Variants in C10orf90 observed in about 807,000 individuals in gnomAD.
The protein encoded by C10orf90 is chromosome 10 open reading frame 90.
A neutral mutation model predicts 62.5 loss-of-function variants in C10orf90; 56 were observed. The ratio of observed to expected loss-of-function variants is 0.90; its 90% CI spans 0.72 to 1.12. The LOEUF (loss-of-function observed/expected upper bound fraction) is 1.12, where lower values mean the gene tolerates loss of function less well. Among genes scored for constraint, C10orf90 ranks in the 50% most tolerant of loss-of-function variants. The probability of loss-of-function intolerance (pLI) is 0.00; values close to 1 mark genes in which losing one functional copy is unlikely to be tolerated. For synonymous variants in C10orf90, 386 were observed against 340.4 expected, an observed-to-expected ratio of 1.13 and a Z score of -1.47; for missense variants, 970 against 880.4, an observed-to-expected ratio of 1.10 and a Z score of -1.29.
chr10:126,504,339 T>A lies in C10orf90; in HGVS notation c.1152A>T (p.Arg384Ser). The A allele has an allele frequency of 6.2e-7, 1 of 1,614,156 alleles. No homozygotes were observed. The highest frequency in any genetic ancestry group is 2.2e-5 in the East Asian group (1 of 44,862). ...AATTGAGGTTGAGCGACAGGACGGA[T>A]CTGTGCATTTTGGGGCTGGCAATTT... Reference protein sequence around the residue: ...PPQIASPKMHRSVLSLNLNCS... With the variant: ...PPQIASPKMHSSVLSLNLNCS... Residue 384 changes from arginine to serine, a missense_variant, in exon 4 of 10, where the codon AGA becomes AGT. By Grantham distance (110) the Arg-to-Ser change is moderately radical (BLOSUM62 -1). Coordinates refer to ENST00000488181, the MANE Select transcript of C10orf90 (RefSeq NM_001350921.2). This position sits in a 1 kb window ranked among gnomAD's most constrained non-coding sequence, Gnocchi z 4.1.
intron 2 of C10orf90, among the ~76,000 whole-genome samples, chr10:126,630,146 G>T (rs550776628): frequency 1.3e-5 from 2 of 152,286 alleles, no homozygotes; most frequent in African/African-American, 4.8e-5. Context: ...GTGATGCAGG[G>T]ACTATAACTG....
chr10:126,521,608 CT>C, intron 2 of C10orf90: 1 of 519,638 alleles, frequency 1.9e-6, no homozygotes, highest in Non-Finnish European at 3.0e-6. Context: ...TTTGAGGCTT[CT>C]TTGATGAGTA....
chr10:126,644,016 C>A (rs908780418), intron 2 of C10orf90, among the ~76,000 whole-genome samples: 2 of 152,184 alleles, frequency 1.3e-5, no homozygotes, highest in Non-Finnish European at 2.9e-5. Flanking sequence ...TCTGGGCCCT[C>A]TTCTTGACTA....
At chr10:126,624,955 G>T (rs1468247436) in intron 2 of C10orf90, among the ~76,000 whole-genome samples, 1 of 152,224 alleles carries the variant, frequency 6.6e-6, no homozygotes, top group African/African-American at 2.4e-5. Flanking sequence ...TGCCCTCAGA[G>T]AGCGGGCAGT....
intron 1 of C10orf90, among the ~76,000 whole-genome samples, chr10:126,651,337 A>G (rs12257081): frequency 0.041 from 6,246 of 152,252 alleles, 421 homozygotes; most frequent in African/African-American, 0.14. Flanking sequence ...ACCTTACCTG[A>G]ACTAACCTAA....
intron 2 of C10orf90, among the ~76,000 whole-genome samples, chr10:126,603,148 G>C (rs950063154): frequency 4.6e-5 from 7 of 151,508 alleles, no homozygotes; most frequent in African/African-American, 1.7e-4. Flanking sequence ...GTATTAGTCC[G>C]TTCTCACGCT....
intron 3 of C10orf90, among the ~76,000 whole-genome samples, chr10:126,507,586 C>T (rs986150817): frequency 3.3e-5 from 5 of 151,830 alleles, no homozygotes; most frequent in African/African-American, 1.2e-4. Context: ...GGCTACCTCA[C>T]ACTTCCCAAT....
intron 2 of C10orf90, among the ~76,000 whole-genome samples, chr10:126,627,000 C>CTTTTTTTTTTT (rs61226052): frequency 7.5e-5 from 9 of 119,496 alleles, no homozygotes; most frequent in East Asian, 2.3e-4. Flanking sequence ...TTTTTCTTTT[C>CTTTTTTTTTTT]TTTTTTTTTT....
At chr10:126,576,623 T>C (rs1406692394) in intron 2 of C10orf90, among the ~76,000 whole-genome samples, 1 of 147,930 alleles carries the variant, frequency 6.8e-6, no homozygotes, top group East Asian at 2.0e-4. Context: ...TGCACCCGCA[T>C]GTTTGCTGCA....
chr10:126,491,021 G>A lies in C10orf90; in HGVS notation c.1534+12936C>T, dbSNP rs74853173. Reference sequence around the variant, plus strand: ...AGAAATGATATATCTCCGTAAGTAAGCAGAAAAGCTGGAAAGGAAATTTTT... The same window carrying A: ...AGAAATGATATATCTCCGTAAGTAAACAGAAAAGCTGGAAAGGAAATTTTT... On this transcript the variant is annotated intron_variant, in intron 4 of 9. Coordinates refer to ENST00000488181, the MANE Select transcript of C10orf90 (RefSeq NM_001350921.2). Among the ~76,000 whole-genome samples the A allele has an allele frequency of 1.5e-4, 23 of 152,262 alleles. No homozygotes were observed. In the East Asian group the frequency reaches 4.4e-3, roughly 29 times the overall value.
chr10:126,645,375 C>A (rs547164432), intron 2 of C10orf90, among the ~76,000 whole-genome samples: 2 of 150,086 alleles, frequency 1.3e-5, no homozygotes, highest in African/African-American at 2.5e-5. Context: ...TGAGACCAGG[C>A]GAGGCAACAT....
At chr10:126,661,979 T>C (rs1054403691) in intron 1 of C10orf90, among the ~76,000 whole-genome samples, 2 of 152,148 alleles carry the variant, frequency 1.3e-5, no homozygotes, top group Non-Finnish European at 2.9e-5. Context: ...TAACCAGTAT[T>C]ATCTTGGTTA....
chr10:126,621,966 C>T (rs566515643), intron 2 of C10orf90, among the ~76,000 whole-genome samples: 1 of 152,276 alleles, frequency 6.6e-6, no homozygotes, highest in East Asian at 1.9e-4. Flanking sequence ...ACACCACCCC[C>T]TAACTGGCTT....
chr10:126,638,308 T>C (rs1845993877), intron 2 of C10orf90, among the ~76,000 whole-genome samples: 1 of 152,010 alleles, frequency 6.6e-6, no homozygotes, highest in Non-Finnish European at 1.5e-5. Flanking sequence ...CTGGGCACCA[T>C]CTCTTTCCAC....
chr10:126,534,002 C>T (rs1003211062), intron 2 of C10orf90, among the ~76,000 whole-genome samples: 1 of 152,148 alleles, frequency 6.6e-6, no homozygotes. Context: ...AGACCAAAGC[C>T]TCCAAAATTG....
At chr10:126,572,393 T>G (rs536320072) in intron 2 of C10orf90, among the ~76,000 whole-genome samples, 7 of 152,100 alleles carry the variant, frequency 4.6e-5, no homozygotes, top group Non-Finnish European at 1.0e-4. Context: ...AGTAAAGGAA[T>G]AAAAGAATGG....
At chr10:126,537,518 C>T (rs948247113) in intron 2 of C10orf90, among the ~76,000 whole-genome samples, 10 of 152,184 alleles carry the variant, frequency 6.6e-5, no homozygotes, top group East Asian at 1.9e-4. Flanking sequence ...CTCTCTTTCC[C>T]GCTTGGGCCT....
chr10:126,506,112 C>T (rs544779166), intron 3 of C10orf90, among the ~76,000 whole-genome samples: 53 of 152,340 alleles, frequency 3.5e-4, no homozygotes, highest in African/African-American at 8.7e-4. Context: ...TTTCAATGAT[C>T]GGTTGTATCA....
In C10orf90 at chr10:126,577,033, G is replaced by C. The variant is rs141054747; in HGVS notation, c.314-63094C>G. Among the ~76,000 whole-genome samples, 282 of 151,666 alleles carry C rather than the reference G, an allele frequency of 1.9e-3. 2 individuals carry two copies. Among genetic ancestry groups the C allele is most frequent in the African/African-American group, 5.8e-3 (239 of 41,452 alleles). On this transcript the variant is annotated intron_variant, in intron 2 of 9. Transcript: ENST00000488181. The stretch of plus-strand genomic sequence containing the variant: ...GAAGAGAAGGAGATATTTGTTAAAG[G>C]ATACAAAATTACAGCTAGATAGGAA...
Sources: allele counts gnomAD v4.1 joint callset (sites outside exome capture counted in the v4.1 genomes callset), GRCh38; gene constraint gnomAD v4.1.1; non-coding constraint Gnocchi (gnomAD v3.1); transcripts MANE v1.5; gene names NCBI Gene and HGNC (gene_info 2026-07-23, HGNC 2026-07-21).